EIF4ENIF1: variants seen among roughly 807,000 people sequenced by gnomAD.
The protein encoded by EIF4ENIF1 is eukaryotic translation initiation factor 4E nuclear import factor 1.
EIF4ENIF1 carries 23 observed loss-of-function variants against 110.5 expected under a neutral mutation model. The ratio of observed to expected loss-of-function variants is 0.21; its 90% CI spans 0.15 to 0.29. EIF4ENIF1 has a LOEUF of 0.29. Among genes scored for constraint, EIF4ENIF1 ranks in the 10% least tolerant of loss-of-function variants. The pLI is 1.00. For missense variants in EIF4ENIF1, 1,031 were observed against 1,221.1 expected, an observed-to-expected ratio of 0.84 and a Z score of 2.32; for synonymous variants, 440 against 437.0, an observed-to-expected ratio of 1.01 and a Z score of -0.09.
At chr22:31,454,416 G>A in intron 9 of EIF4ENIF1, 40 bp from the exon 10 acceptor site, 19 of 1,549,652 alleles carry the variant, frequency 1.2e-5, no homozygotes, top group Non-Finnish European at 1.4e-5. Flanking sequence ...CAAGCAAAGA[G>A]ATATCTGGTA....
chr22:31,490,682 G>T (rs2052245676), upstream of EIF4ENIF1, among the ~76,000 whole-genome samples: 1 of 152,138 alleles, frequency 6.6e-6, no homozygotes, highest in South Asian at 2.1e-4. Flanking sequence ...GCTGACAGGG[G>T]GCCACAGAAA....
intron 2 of EIF4ENIF1, among the ~76,000 whole-genome samples, chr22:31,487,102 T>C (rs1217858370): frequency 6.6e-6 from 1 of 152,048 alleles, no homozygotes; most frequent in Non-Finnish European, 1.5e-5. Flanking sequence ...GATTTTCTTT[T>C]CCCTTCATTT....
upstream of EIF4ENIF1, among the ~76,000 whole-genome samples, chr22:31,490,149 C>T (rs12484972): frequency 5.2e-4 from 79 of 152,346 alleles, no homozygotes; most frequent in African/African-American, 1.8e-3. Context: ...ACGCGCGCTG[C>T]AGGGCAGAGC....
At chr22:31,441,182 G>C (rs1404865087) in intron 17 of EIF4ENIF1, among the ~76,000 whole-genome samples, 5 of 152,140 alleles carry the variant, frequency 3.3e-5, no homozygotes, top group African/African-American at 1.2e-4. Flanking sequence ...ACTCGGGAGA[G>C]GCAGAGGTTG....
intron 3 of EIF4ENIF1, among the ~76,000 whole-genome samples, chr22:31,471,575 A>G (rs1300441805): frequency 6.6e-6 from 1 of 152,152 alleles, no homozygotes. Flanking sequence ...TGGCCTCCCA[A>G]AGTGCTGGGA....
intron 8 of EIF4ENIF1, 68 bp from the exon 9 acceptor site, chr22:31,455,383 T>C: frequency 7.9e-7 from 1 of 1,273,872 alleles, no homozygotes; most frequent in South Asian, 2.3e-5. Context: ...TCGACAGTAT[T>C]TTTCTTTCTT....
rs2273251 is a variant in EIF4ENIF1 at position 31,447,581 on chromosome 22, G to T, written c.1849-16C>A. On this transcript the variant is annotated splice_polypyrimidine_tract_variant and intron_variant, in intron 13 of 18. Coordinates refer to ENST00000330125, the MANE Select transcript of EIF4ENIF1 (RefSeq NM_019843.4). ...GCTGGCTCATCTGCTGAAAAGGAGA[G>T]GGGAGGGTCAGGAGAAGAGTAAGGA... 2,311 of 1,592,242 alleles carry T rather than the reference G, an allele frequency of 1.5e-3. 5 individuals are homozygous for T. Among genetic ancestry groups the T allele is most frequent in the Non-Finnish European group, 1.8e-3 (2,152 of 1,166,364 alleles).
intron 2 of EIF4ENIF1, among the ~76,000 whole-genome samples, chr22:31,472,665 T>C (rs1161438395): frequency 6.6e-6 from 1 of 152,184 alleles, no homozygotes; most frequent in African/African-American, 2.4e-5. Context: ...TATTTATCAT[T>C]TACTTTTTTG....
intron 7 of EIF4ENIF1, among the ~76,000 whole-genome samples, chr22:31,456,445 G>A (rs371234075): frequency 2.2e-4 from 33 of 151,782 alleles, no homozygotes; most frequent in South Asian, 8.3e-4. Flanking sequence ...GGATGGTCTC[G>A]ATCTCCTGAC....
Position 31,488,551 on chromosome 22 carries a change from T to C in EIF4ENIF1, c.96+72A>G, listed in dbSNP as rs953333292. ...GAATGAGATTACCACTTAATAGGAA[T>C]GAAATAGTTATACAATGTTACTAAC... On this transcript the variant is annotated intron_variant, in intron 2 of 18. Transcript: ENST00000330125. 6.3e-6 allele frequency: 10 copies of C among 1,589,702 alleles called. No homozygotes were observed. The African/African-American group carries it at 1.1e-4, about 17-fold the overall frequency.
intron 4 of EIF4ENIF1, among the ~76,000 whole-genome samples, chr22:31,467,252 T>G (rs2051220680): frequency 6.6e-6 from 1 of 152,222 alleles, no homozygotes; most frequent in Non-Finnish European, 1.5e-5. Flanking sequence ...CTGAGTGTAC[T>G]GACAGACTGT....
intron 10 of EIF4ENIF1, among the ~76,000 whole-genome samples, chr22:31,452,869 G>A (rs189382909): frequency 6.6e-6 from 1 of 152,338 alleles, no homozygotes; most frequent in South Asian, 2.1e-4. Context: ...TTCAAGTGTA[G>A]GTCAGTCCTG....
At chr22:31,441,636 T>TA (rs2050302386) in intron 17 of EIF4ENIF1, 138 bp downstream of exon 17, 1 of 705,308 alleles carries the variant, frequency 1.4e-6, no homozygotes, top group Non-Finnish European at 2.3e-6. Context: ...TTGGGCCCAC[T>TA]GCCTGCCAGT....
intron 3 of EIF4ENIF1, among the ~76,000 whole-genome samples, chr22:31,471,309 G>A (rs2051368382): frequency 1.3e-5 from 2 of 150,856 alleles, no homozygotes; most frequent in African/African-American, 4.9e-5. Flanking sequence ...GGACTCCTGG[G>A]TTCAAGTCTT....
chr22:31,446,285 CAAA>C (rs3068275), intron 14 of EIF4ENIF1, among the ~76,000 whole-genome samples: 1 of 105,694 alleles, frequency 9.5e-6, no homozygotes, highest in African/African-American at 3.8e-5. Flanking sequence ...AGATTGTCTC[CAAA>C]AAAAAAAAAA....
chr22:31,467,253 G>A (rs1479905486), intron 4 of EIF4ENIF1, among the ~76,000 whole-genome samples: 1 of 152,160 alleles, frequency 6.6e-6, no homozygotes, highest in Non-Finnish European at 1.5e-5. Context: ...TGAGTGTACT[G>A]ACAGACTGTG....
chr22:31,442,240 T>C (rs1389096413), intron 16 of EIF4ENIF1, 122 bp from the exon 17 acceptor site: 1 of 768,404 alleles, frequency 1.3e-6, no homozygotes, highest in Non-Finnish European at 2.1e-6. Context: ...TTAACAAGTT[T>C]AGAGGACTAC....
intron 2 of EIF4ENIF1, among the ~76,000 whole-genome samples, chr22:31,487,089 G>A (rs1237096950): frequency 6.6e-6 from 1 of 151,894 alleles, no homozygotes; most frequent in Non-Finnish European, 1.5e-5. Context: ...AAAAGTACTG[G>A]AAGATTTTCT....
At chr22:31,460,656 A>T (rs2050962459) in intron 6 of EIF4ENIF1, among the ~76,000 whole-genome samples, 1 of 147,552 alleles carries the variant, frequency 6.8e-6, no homozygotes, top group South Asian at 2.2e-4. Flanking sequence ...AATTAAAAAA[A>T]AAAATAGAGG....
Sources: allele counts gnomAD v4.1 joint callset (sites outside exome capture counted in the v4.1 genomes callset), GRCh38; gene constraint gnomAD v4.1.1; transcripts MANE v1.5; gene names NCBI Gene and HGNC (gene_info 2026-07-23, HGNC 2026-07-21).